Variants in MTHFD2L observed in about 807,000 individuals in gnomAD.
The protein encoded by MTHFD2L is methylenetetrahydrofolate dehydrogenase (NADP+ dependent) 2 like, also known as bifunctional methylenetetrahydrofolate dehydrogenase/cyclohydrolase 2, mitochondrial.
Under a neutral mutation model 34.9 loss-of-function variants are expected in MTHFD2L, and 29 were observed. The observed-to-expected ratio is 0.83, with a 90% CI of 0.62 to 1.13. The LOEUF (loss-of-function observed/expected upper bound fraction) is 1.13, where lower values mean the gene tolerates loss of function less well. Ranked by LOEUF, MTHFD2L falls within the 50% of genes most tolerant of loss-of-function variation. The probability of loss-of-function intolerance (pLI) is 0.00; values close to 1 mark genes in which losing one functional copy is unlikely to be tolerated. For missense variants in MTHFD2L, 481 were observed against 446.5 expected, an observed-to-expected ratio of 1.08 and a Z score of -0.70; for synonymous variants, 167 against 155.7, an observed-to-expected ratio of 1.07 and a Z score of -0.54.
At chr4:74,157,005 C>T (rs1290703688), upstream of MTHFD2L, 1 of 151,940 alleles carries the variant, frequency 6.6e-6, no homozygotes, top group African/African-American at 2.4e-5. Flanking sequence ...TGATTTGTTT[C>T]TTTATTAACA....
chr4:74,205,000 T>C (rs1450923168), intron 5 of MTHFD2L, among the ~76,000 whole-genome samples: 1 of 152,192 alleles, frequency 6.6e-6, no homozygotes, highest in East Asian at 1.9e-4. Flanking sequence ...GTAGAATAAG[T>C]TATAATACTG....
chr4:74,209,605 T>C (rs1735955702), intron 5 of MTHFD2L, among the ~76,000 whole-genome samples: 1 of 152,190 alleles, frequency 6.6e-6, no homozygotes, highest in African/African-American at 2.4e-5. Flanking sequence ...TGATGGGCAT[T>C]TGGGTTGGTT....
exon 2 of MTHFD2L, chr4:74,114,605 G>A (rs1161481493): frequency 1.3e-5 from 2 of 152,042 alleles, no homozygotes; most frequent in African/African-American, 4.8e-5. Flanking sequence ...GTAGCCTACC[G>A]GACCTACAGT....
At chr4:74,150,274 A>G (rs1419557765) in intron 1 of MTHFD2L, among the ~76,000 whole-genome samples, 1 of 152,202 alleles carries the variant, frequency 6.6e-6, no homozygotes, top group Non-Finnish European at 1.5e-5. Context: ...TGTTTTTGAG[A>G]CAGAGTTTTG....
At chr4:74,257,518 T>C (rs1355452854) in intron 6 of MTHFD2L, among the ~76,000 whole-genome samples, 1 of 152,146 alleles carries the variant, frequency 6.6e-6, no homozygotes, top group Non-Finnish European at 1.5e-5. Context: ...AGTCAAAAAC[T>C]TCAGTTAATT....
chr4:74,268,343 C>A, intron 6 of MTHFD2L: 3 of 740,410 alleles, frequency 4.1e-6, no homozygotes, highest in Non-Finnish European at 4.9e-6. Context: ...TGTAGTAGGA[C>A]AATTTCCAGC....
intron 2 of MTHFD2L, among the ~76,000 whole-genome samples, chr4:74,118,084 G>A (rs1417504081): frequency 6.6e-6 from 1 of 152,062 alleles, no homozygotes; most frequent in African/African-American, 2.4e-5. Flanking sequence ...GGTACATAGG[G>A]TGTTGAAAAA....
intron 1 of MTHFD2L, among the ~76,000 whole-genome samples, chr4:74,132,883 A>G (rs796557850): frequency 4.6e-5 from 7 of 152,272 alleles, no homozygotes; most frequent in African/African-American, 1.7e-4. Flanking sequence ...TTGTCTTTAT[A>G]AGCTTCTTAC....
chr4:74,210,848 C>G (rs1227723847), intron 5 of MTHFD2L, among the ~76,000 whole-genome samples: 12 of 151,992 alleles, frequency 7.9e-5, no homozygotes, highest in Admixed American at 7.9e-4. Flanking sequence ...TTGTTTGTGT[C>G]CTCTCTTATT....
intron 1 of MTHFD2L, among the ~76,000 whole-genome samples, chr4:74,131,203 T>C (rs1204651967): frequency 6.6e-6 from 1 of 152,118 alleles, no homozygotes; most frequent in East Asian, 1.9e-4. Context: ...CAAGCTACCA[T>C]TGACTTTCTT....
intron 1 of MTHFD2L, 113 bp downstream of exon 1, chr4:74,158,394 C>T (rs1352791263): frequency 7.3e-6 from 6 of 822,540 alleles, no homozygotes; most frequent in Non-Finnish European, 8.9e-6. Flanking sequence ...CGCGCGGCGG[C>T]GGGCTGGGTC....
intron 3 of MTHFD2L, among the ~76,000 whole-genome samples, chr4:74,199,186 TACTC>T (rs1202858653): frequency 2.0e-5 from 3 of 152,178 alleles, no homozygotes; most frequent in Non-Finnish European, 2.9e-5. Flanking sequence ...ATTACTTTAT[TACTC>T]AGGTTGTGTT....
chr4:74,232,018 A>G (rs960370038), intron 6 of MTHFD2L, among the ~76,000 whole-genome samples: 4 of 152,220 alleles, frequency 2.6e-5, no homozygotes, highest in African/African-American at 7.2e-5. Flanking sequence ...TTATGTGTTA[A>G]TGTATTCTAT....
intron 7 of MTHFD2L, chr4:74,293,542 A>C: frequency 1.0e-6 from 1 of 983,100 alleles, no homozygotes; most frequent in Non-Finnish European, 1.2e-6. Flanking sequence ...GGAAACCTCA[A>C]GATTCAGCAA....
At chr4:74,285,631 T>C (rs1748075481) in intron 7 of MTHFD2L, among the ~76,000 whole-genome samples, 1 of 152,232 alleles carries the variant, frequency 6.6e-6, no homozygotes, top group Admixed American at 6.5e-5. Flanking sequence ...CCCTATACAT[T>C]TATAGACCAC....
intron 6 of MTHFD2L, among the ~76,000 whole-genome samples, chr4:74,244,937 A>G (rs1578595849): frequency 1.3e-5 from 2 of 152,158 alleles, no homozygotes; most frequent in Middle Eastern, 6.8e-3. Flanking sequence ...GCTCGCGGCT[A>G]TAATCCCAGC....
In MTHFD2L at chr4:74,182,707, G is replaced by A. The variant is rs549799350; in HGVS notation, c.451+7304G>A. 5 of 152,088 alleles carry A rather than the reference G, an allele frequency of 3.3e-5. No individual in the cohort carries two copies. The East Asian group carries it at 7.7e-4, about 23-fold the overall frequency. The allele number at this position is 152,088 out of a possible 1,614,324, so 9.4% of individuals were successfully genotyped here. A position where few individuals can be genotyped will look rare whatever the true frequency, so the allele number is the denominator to read the frequency against. On this transcript the variant is annotated intron_variant, in intron 3 of 7. Coordinates refer to ENST00000325278, the MANE Select transcript of MTHFD2L (RefSeq NM_001144978.3). Reference sequence around the variant, plus strand: ...TATCCACATGTCCTCTTATATTTTGGGGCTTCTCTTTGCAATTAGATTGAG... The same window carrying A: ...TATCCACATGTCCTCTTATATTTTGAGGCTTCTCTTTGCAATTAGATTGAG...
At chr4:74,233,704 C>T (rs1740427430) in intron 6 of MTHFD2L, among the ~76,000 whole-genome samples, 1 of 152,034 alleles carries the variant, frequency 6.6e-6, no homozygotes, top group South Asian at 2.1e-4. Context: ...GCTCGTTAGC[C>T]TCAAATAAGC....
intron 7 of MTHFD2L, among the ~76,000 whole-genome samples, chr4:74,284,419 T>C (rs2110287150): frequency 6.6e-6 from 1 of 152,278 alleles, no homozygotes; most frequent in Admixed American, 6.5e-5. Context: ...TTTGCATTTC[T>C]CTGATGGCCA....
Sources: gnomAD v4.1 joint callset for allele counts (sites outside exome capture counted in the v4.1 genomes callset) on GRCh38, gnomAD v4.1.1 for gene constraint, MANE v1.5 for transcripts, NCBI Gene and HGNC (gene_info 2026-07-23, HGNC 2026-07-21) for gene names.